Variants in CAMK2D observed in about 807,000 individuals in gnomAD.
CAMK2D encodes calcium/calmodulin-dependent protein kinase type II subunit delta.
Under a neutral mutation model 84.0 loss-of-function variants are expected in CAMK2D, and 37 were observed. The observed-to-expected ratio is 0.44, with a 90% CI of 0.34 to 0.58. The LOEUF is 0.58. CAMK2D is among the 20% of genes least tolerant of loss of function. The probability of loss-of-function intolerance (pLI) is 0.02; values close to 1 mark genes in which losing one functional copy is unlikely to be tolerated. For synonymous variants in CAMK2D, 202 were observed against 212.5 expected (o/e 0.95, Z 0.43); for missense variants, 448 against 652.5 (o/e 0.69, Z 3.41).
chr4:113,729,850 G>T (rs1442719521), intron 2 of CAMK2D, among the ~76,000 whole-genome samples: 1 of 152,060 alleles, frequency 6.6e-6, no homozygotes, highest in African/African-American at 2.4e-5. Flanking sequence ...CAGAGAAAAG[G>T]TATCTATCTA....
At chr4:113,643,060 G>A (rs2099138562) in intron 3 of CAMK2D, among the ~76,000 whole-genome samples, 1 of 152,168 alleles carries the variant, frequency 6.6e-6, no homozygotes, top group African/African-American at 2.4e-5. Flanking sequence ...AACAAAAGAA[G>A]AGCAGAAACT....
chr4:113,550,667 GT>G (rs1375175486), intron 5 of CAMK2D, among the ~76,000 whole-genome samples: 1 of 152,176 alleles, frequency 6.6e-6, no homozygotes, highest in Non-Finnish European at 1.5e-5. Context: ...AAATTCCCTA[GT>G]TTAGTACCTT....
At chr4:113,462,310 G>A (rs373511182) in intron 17 of CAMK2D, among the ~76,000 whole-genome samples, 210 of 109,024 alleles carry the variant, frequency 1.9e-3, no homozygotes, top group Non-Finnish European at 2.7e-3. Flanking sequence ...CTGTCTGTCT[G>A]TCTGTCTGTC....
chr4:113,531,158 C>T, intron 8 of CAMK2D, 58 bp downstream of exon 8: 1 of 847,534 alleles, frequency 1.2e-6, no homozygotes, highest in Non-Finnish European at 2.1e-6. Context: ...TTATAGCAGA[C>T]CAAATGGACT....
intron 2 of CAMK2D, among the ~76,000 whole-genome samples, chr4:113,725,438 C>T (rs1045985494): frequency 6.6e-6 from 1 of 152,022 alleles, no homozygotes; most frequent in Non-Finnish European, 1.5e-5. Flanking sequence ...ATAAAATATA[C>T]TTTAAAAAGT....
intron 2 of CAMK2D, among the ~76,000 whole-genome samples, chr4:113,683,728 G>C (rs893949470): frequency 3.9e-5 from 6 of 152,184 alleles, no homozygotes; most frequent in African/African-American, 1.4e-4. Context: ...TGATATACTT[G>C]TCTGTGGATA....
intron 3 of CAMK2D, among the ~76,000 whole-genome samples, chr4:113,635,165 C>A (rs894201843): frequency 2.0e-5 from 3 of 152,104 alleles, no homozygotes; most frequent in African/African-American, 4.8e-5. Flanking sequence ...AAGAAATAAT[C>A]AAAATCATTC....
chr4:113,755,334 A>C (rs1051648168), intron 2 of CAMK2D, among the ~76,000 whole-genome samples: 12 of 151,928 alleles, frequency 7.9e-5, no homozygotes, highest in African/African-American at 2.9e-4. Flanking sequence ...AAATCAAAGA[A>C]TATCAAAATG....
Position 113,460,876 on chromosome 4 carries a change from G to A in CAMK2D, c.1212-635C>T, listed in dbSNP as rs138117887. On this transcript the variant is annotated intron_variant, in intron 17 of 20. Transcript: ENST00000511664. Reference sequence around the variant, plus strand: ...AATTTTTAAATTTTTATTTCTAGTAGAGATGGGGTTTCCTTATGTTGCCCA... The same window carrying A: ...AATTTTTAAATTTTTATTTCTAGTAAAGATGGGGTTTCCTTATGTTGCCCA... 2.3e-3 allele frequency among the ~76,000 whole-genome samples: 344 copies of A among 152,100 alleles called. 1 individual carries two copies. The highest frequency in any genetic ancestry group is 7.5e-3 in the African/African-American group (313 of 41,496).
chr4:113,465,741 T>C, intron 16 of CAMK2D, 137 bp from the exon 17 acceptor site: 1 of 613,172 alleles, frequency 1.6e-6, no homozygotes, highest in Non-Finnish European at 2.9e-6. Context: ...CACAGCTCCC[T>C]ACAGCCTTGA....
At chr4:113,468,738 TAATA>T (rs1302481462) in intron 16 of CAMK2D, among the ~76,000 whole-genome samples, 2 of 152,218 alleles carry the variant, frequency 1.3e-5, no homozygotes, top group African/African-American at 2.4e-5. Context: ...GAACACCAAG[TAATA>T]AATAACCACT....
intron 8 of CAMK2D, among the ~76,000 whole-genome samples, chr4:113,527,780 T>A (rs73841655): frequency 0.023 from 3,474 of 152,240 alleles, 119 homozygotes; most frequent in African/African-American, 0.071. Context: ...CAAATTATGA[T>A]TGAATACATT....
intron 13 of CAMK2D, among the ~76,000 whole-genome samples, chr4:113,506,911 A>T (rs112369897): frequency 6.7e-6 from 1 of 148,808 alleles, no homozygotes; most frequent in Admixed American, 6.6e-5. Context: ...ACACACACAC[A>T]CCTACACACA....
intron 2 of CAMK2D, among the ~76,000 whole-genome samples, chr4:113,745,371 A>G (rs2099601937): frequency 6.6e-6 from 1 of 152,086 alleles, no homozygotes; most frequent in Non-Finnish European, 1.5e-5. Flanking sequence ...CTGCCATTAA[A>G]TGTCATCACT....
chr4:113,716,804 T>C (rs1368582701), intron 2 of CAMK2D, among the ~76,000 whole-genome samples: 2 of 152,150 alleles, frequency 1.3e-5, no homozygotes, highest in Non-Finnish European at 1.5e-5. Context: ...CACATGGTAA[T>C]GAGCAGAATG....
At chr4:113,728,502 T>C (rs968168147) in intron 2 of CAMK2D, among the ~76,000 whole-genome samples, 1 of 152,226 alleles carries the variant, frequency 6.6e-6, no homozygotes, top group African/African-American at 2.4e-5. Context: ...GAACATTCTG[T>C]AGTGCTAGAA....
intron 6 of CAMK2D, 41 bp downstream of exon 6, chr4:113,547,603 G>C (rs2098590607): frequency 7.8e-7 from 1 of 1,284,458 alleles, no homozygotes; most frequent in Non-Finnish European, 1.1e-6. Flanking sequence ...CAGTCATTAG[G>C]AACTGTGTGG....
intron 2 of CAMK2D, chr4:113,754,285 T>C: frequency 1.0e-6 from 1 of 976,456 alleles, no homozygotes; most frequent in African/African-American, 1.8e-5. Flanking sequence ...TTAAAAAATA[T>C]ACCAATCCAG....
chr4:113,714,761 G>A (rs989196385), intron 2 of CAMK2D, among the ~76,000 whole-genome samples: 1 of 151,990 alleles, frequency 6.6e-6, no homozygotes, highest in African/African-American at 2.4e-5. Context: ...ATTTCTTTGG[G>A]TCTCCATTTT....
Sources: gnomAD v4.1 joint callset for allele counts (sites outside exome capture counted in the v4.1 genomes callset) on GRCh38, gnomAD v4.1.1 for gene constraint, MANE v1.5 for transcripts, NCBI Gene and HGNC (gene_info 2026-07-23, HGNC 2026-07-21) for gene names.